CSMD1: variants seen among roughly 807,000 people sequenced by gnomAD.
The protein encoded by CSMD1 is CUB and Sushi multiple domains 1.
CSMD1 carries 213 observed loss-of-function variants against 417.5 expected under a neutral mutation model. The ratio of observed to expected loss-of-function variants is 0.51; its 90% CI spans 0.46 to 0.57. The LOEUF (loss-of-function observed/expected upper bound fraction) is 0.57, where lower values mean the gene tolerates loss of function less well. Among genes scored for constraint, CSMD1 ranks in the 20% least tolerant of loss-of-function variants. The pLI is 0.00. For synonymous variants in CSMD1, 2,862 were observed against 1,736.8 expected (o/e 1.65, Z -16.11); for missense variants, 6,923 against 4,529.7 (o/e 1.53, Z -15.17).
At chr8:3,674,921 G>A (rs988563063) in intron 7 of CSMD1, among the ~76,000 whole-genome samples, 2 of 152,282 alleles carry the variant, frequency 1.3e-5, no homozygotes, top group South Asian at 2.1e-4. Flanking sequence ...ATGAACTTAT[G>A]CAACACGTCA....
chr8:4,816,042 A>G (rs1799187229), intron 1 of CSMD1, among the ~76,000 whole-genome samples: 2 of 152,334 alleles, frequency 1.3e-5, no homozygotes, highest in African/African-American at 2.4e-5. Context: ...GAGGCTTACC[A>G]GGTGCACAGA....
chr8:4,480,577 G>A (rs1169158761), intron 2 of CSMD1, among the ~76,000 whole-genome samples: 4 of 152,146 alleles, frequency 2.6e-5, no homozygotes, highest in Admixed American at 6.6e-5. Context: ...CAATCAGCAC[G>A]GTTTAGCTTC....
At chr8:3,849,714 C>G (rs540365009) in intron 5 of CSMD1, among the ~76,000 whole-genome samples, 2 of 152,298 alleles carry the variant, frequency 1.3e-5, no homozygotes, top group South Asian at 4.1e-4. Context: ...GCACAGGAAA[C>G]ACAGGGTGTA....
Position 3,698,618 on chromosome 8 carries a change from C to T in CSMD1, c.1009+9796G>A, listed in dbSNP as rs559049564. 5.3e-5 allele frequency among the ~76,000 whole-genome samples: 8 copies of T among 152,232 alleles called. No homozygotes were observed. In the East Asian group the frequency reaches 1.2e-3, roughly 22 times the overall value. On this transcript the variant is annotated intron_variant, in intron 7 of 69. Transcript: ENST00000635120. ...TCACACGTTCCTAATACAGCACTCGCGTCCCTAAAAGCAAGACCTGATGAT... is the reference window on the plus strand; with the variant it reads ...TCACACGTTCCTAATACAGCACTCGTGTCCCTAAAAGCAAGACCTGATGAT...
At chr8:4,034,938 A>C (rs72624062) in intron 3 of CSMD1, among the ~76,000 whole-genome samples, 22,679 of 152,050 alleles carry the variant, frequency 0.15, 2,397 homozygotes, top group East Asian at 0.39. Context: ...CGGAAAATGC[A>C]AATGAAACAC....
chr8:4,881,189 G>A (rs1358007295), intron 1 of CSMD1, among the ~76,000 whole-genome samples: 3 of 152,044 alleles, frequency 2.0e-5, no homozygotes, highest in East Asian at 3.9e-4. Context: ...TCCTTTGTGT[G>A]CTATGTGAAA....
intron 2 of CSMD1, among the ~76,000 whole-genome samples, chr8:4,422,924 AATC>A (rs1382350965): frequency 1.3e-5 from 2 of 152,086 alleles, no homozygotes; most frequent in Non-Finnish European, 2.9e-5. Context: ...AACAAAGTAA[AATC>A]ACAAGATCAT....
At chr8:4,465,669 A>C (rs1486189959) in intron 2 of CSMD1, among the ~76,000 whole-genome samples, 1 of 152,182 alleles carries the variant, frequency 6.6e-6, no homozygotes, top group Non-Finnish European at 1.5e-5. Context: ...GGAGAGATGA[A>C]ATTCACTTTA....
At position 3,894,058 on chromosome 8, in the gene CSMD1, A is replaced by T. The variant is rs186936354; in HGVS notation, c.818+103845T>A. Among the ~76,000 whole-genome samples, 8 of 152,104 alleles carry T rather than the reference A, an allele frequency of 5.3e-5. No individual in the cohort carries two copies. In the East Asian group the frequency reaches 1.2e-3, roughly 22 times the overall value. On this transcript the variant is annotated intron_variant, in intron 5 of 69. Transcript: ENST00000635120. The stretch of plus-strand genomic sequence containing the variant: ...CCATAGTGCTGGTCATTGCTGCCAC[A>T]TCCTCACAAGCAGCAAGCCGTTAAT...
intron 3 of CSMD1, among the ~76,000 whole-genome samples, chr8:4,121,061 G>C (rs1437805808): frequency 6.6e-6 from 1 of 151,698 alleles, no homozygotes; most frequent in South Asian, 2.1e-4. Flanking sequence ...TTTCTTTTCT[G>C]ACTGGGTCTG....
chr8:3,998,217 C>T lies in CSMD1; in HGVS notation c.611-107G>A, dbSNP rs574410772. The T allele has an allele frequency of 1.1e-4, 107 of 954,688 alleles. No individual in the cohort carries two copies. The South Asian group carries it at 1.7e-3, about 15-fold the overall frequency. The allele number at this position is 954,688 out of a possible 1,614,324, so 59.1% of individuals were successfully genotyped here. On this transcript the variant is annotated intron_variant, in intron 4 of 69. Transcript: ENST00000635120. ...GATCAGCGACAAATATTTTCTGAAC[C>T]CAAAATTGAGACACTCAATCTGAAA... is the stretch of plus-strand genomic sequence containing the variant.
At chr8:3,170,402 G>T (rs928213251) in intron 37 of CSMD1, among the ~76,000 whole-genome samples, 2 of 152,072 alleles carry the variant, frequency 1.3e-5, no homozygotes, top group Non-Finnish European at 2.9e-5. Context: ...TAGAGACGGG[G>T]TTTCACTGTG....
chr8:3,367,042 G>A lies in CSMD1; in HGVS notation c.3105C>T (p.Ile1035=), dbSNP rs375015688. 3 of 1,612,700 alleles carry A rather than the reference G, an allele frequency of 1.9e-6. No individual in the cohort carries two copies. The African/African-American group carries it at 4.0e-5, about 22-fold the overall frequency. ...ACAAGACCAACATACCTGAAAATGTGATATTGAAGCCCTCGTACGAAATTG... is the reference window on the plus strand; with the variant it reads ...ACAAGACCAACATACCTGAAAATGTAATATTGAAGCCCTCGTACGAAATTG... The part of the protein sequence containing the change: ...DFSISYEGFN[I]TFSEYDLEPC... Residue 1035 remains isoleucine (I), a synonymous_variant, in exon 20 of 70, where the codon ATC becomes ATT. Coordinates refer to ENST00000635120, the MANE Select transcript of CSMD1 (RefSeq NM_033225.6).
intron 59 of CSMD1, 144 bp downstream of exon 59, chr8:2,965,631 A>G (rs776497628): frequency 8.5e-5 from 54 of 636,780 alleles, no homozygotes; most frequent in Non-Finnish European, 1.3e-4. Flanking sequence ...TTATAAAAAT[A>G]AAGTGACTTA....
At chr8:3,073,246 A>G (rs1029695899) in intron 49 of CSMD1, among the ~76,000 whole-genome samples, 3 of 152,224 alleles carry the variant, frequency 2.0e-5, no homozygotes, top group Non-Finnish European at 2.9e-5. Context: ...TCATGCATGT[A>G]AACAGAAAGA....
At chr8:3,772,562 T>C (rs36187384) in intron 5 of CSMD1, among the ~76,000 whole-genome samples, 9,998 of 112,328 alleles carry the variant, frequency 0.089, 1,665 homozygotes, top group East Asian at 0.28. Flanking sequence ...CATATATACA[T>C]ATATATACAT....
intron 3 of CSMD1, among the ~76,000 whole-genome samples, chr8:4,051,171 G>A (rs1473237602): frequency 2.8e-5 from 4 of 142,366 alleles, no homozygotes; most frequent in African/African-American, 1.0e-4. Flanking sequence ...AGAAATGGCA[G>A]CACAATCCCT....
At chr8:2,949,114 G>A (rs75864120) in intron 68 of CSMD1, among the ~76,000 whole-genome samples, 185 bp downstream of exon 68, 4,281 of 151,130 alleles carry the variant, frequency 0.028, 108 homozygotes, top group Non-Finnish European at 0.035. Context: ...CATTATTTCC[G>A]GCTTTGTGTT....
chr8:4,857,472 C>T (rs2116859103), intron 1 of CSMD1, among the ~76,000 whole-genome samples: 1 of 152,128 alleles, frequency 6.6e-6, no homozygotes, highest in South Asian at 2.1e-4. Flanking sequence ...ATTAATGAAT[C>T]CAGGAGCTCG....
Sources: allele counts gnomAD v4.1 joint callset (sites outside exome capture counted in the v4.1 genomes callset), GRCh38; gene constraint gnomAD v4.1.1; transcripts MANE v1.5; gene names NCBI Gene and HGNC (gene_info 2026-07-23, HGNC 2026-07-21).